TGM6: variants seen among roughly 807,000 people sequenced by gnomAD.
The protein encoded by TGM6 is transglutaminase 6.
TGM6 carries 74 observed loss-of-function variants against 77.5 expected under a neutral mutation model. The ratio of observed to expected loss-of-function variants is 0.96; its 90% CI spans 0.79 to 1.16. The LOEUF is 1.16. TGM6 is among the 50% of genes most tolerant of loss of function. The pLI, the probability that TGM6 is intolerant of heterozygous loss-of-function variation, is 0.00. For missense variants in TGM6, 968 were observed against 940.2 expected, an observed-to-expected ratio of 1.03 and a Z score of -0.39; for synonymous variants, 383 against 378.9, an observed-to-expected ratio of 1.01 and a Z score of -0.12.
chr20:2,399,561 G>A lies in TGM6; in HGVS notation c.673G>A (p.Val225Met), dbSNP rs1484724903. ...IYVTRVISAM[V>M]NSNNDRGVVQ... ...TGGACCCGTGCCCTCCTCTGCCCAG[G>A]TGAACAGCAACAACGACCGAGGTGT... is the stretch of plus-strand genomic sequence containing the variant. The change falls in exon 6 of 13, where the codon GTG becomes ATG. Residue 225 changes from valine (V) to methionine (M), a missense_variant and splice_region_variant. Val to Met is a conservative substitution (Grantham distance 21). Transcript: ENST00000202625. 1.2e-6 allele frequency: 2 copies of A among 1,612,612 alleles called. No homozygotes were observed. The highest frequency in any genetic ancestry group is 1.7e-6 in the Non-Finnish European group (2 of 1,179,906).
intron 9 of TGM6, among the ~76,000 whole-genome samples, chr20:2,405,388 T>C (rs181479626): frequency 2.6e-5 from 4 of 152,348 alleles, no homozygotes; most frequent in Non-Finnish European, 4.4e-5. Context: ...CCCTGACTAA[T>C]TGAATCATAG....
At chr20:2,421,982 AG>A (rs1238805468) in intron 10 of TGM6, among the ~76,000 whole-genome samples, 11 of 152,296 alleles carry the variant, frequency 7.2e-5, no homozygotes, top group African/African-American at 2.2e-4. Flanking sequence ...AAACACAAAA[AG>A]TAGCTGGGCG....
rs370501901 is a variant in TGM6, at chr20:2,381,054, C to A, written c.7+79C>A. 4 of 1,554,606 alleles carry A rather than the reference C, an allele frequency of 2.6e-6. No homozygotes were observed. The African/African-American group carries it at 5.4e-5, about 21-fold the overall frequency. On this transcript the variant is annotated intron_variant, in intron 1 of 12. Coordinates refer to ENST00000202625, the MANE Select transcript of TGM6 (RefSeq NM_198994.3). ...CAAGAAACACGGGTCTGTGGGATGA[C>A]GTTTGATCATCGATTGTTAGGATTT...
chr20:2,417,612 C>A (rs1041478832), intron 10 of TGM6, 39 bp downstream of exon 10: 148 of 1,563,898 alleles, frequency 9.5e-5, no homozygotes, highest in Non-Finnish European at 1.2e-4. Context: ...GGCCAAACCA[C>A]CTCCTTTTTC....
chr20:2,401,965 C>T (rs527681595), intron 7 of TGM6, among the ~76,000 whole-genome samples: 3 of 152,110 alleles, frequency 2.0e-5, no homozygotes, highest in East Asian at 1.9e-4. Flanking sequence ...TGGCTGGGCG[C>T]GGTGGCTCGC....
In TGM6 at chr20:2,403,764, C is replaced by A; in HGVS notation, c.1277C>A (p.Thr426Asn). 1.2e-6 allele frequency: 2 copies of A among 1,614,208 alleles called. No individual in the cohort carries two copies. The highest frequency in any genetic ancestry group is 1.7e-6 in the Non-Finnish European group (2 of 1,180,034). The change falls in exon 9 of 13, where the codon ACC (threonine) becomes AAC (asparagine). Residue 426 changes from threonine to asparagine, a missense_variant. Physicochemically the swap from Thr to Asn is moderately conservative, Grantham distance 65 (BLOSUM62 0). Transcript: ENST00000202625. ...AAGAAGATTGGGAGATGCATCAGCA[C>A]CAAGGCGGTGGGCAGTGACTCCCGC... ...NTKKIGRCIS[T>N]KAVGSDSRVD... is the part of the protein sequence containing the mutation.
chr20:2,393,434 G>A (rs1377425806), intron 1 of TGM6, among the ~76,000 whole-genome samples: 14 of 152,164 alleles, frequency 9.2e-5, no homozygotes, highest in African/African-American at 2.4e-4. Context: ...GCTGCGACAC[G>A]CCTTACACTA....
chr20:2,421,717 A>G lies in TGM6; in HGVS notation c.1678+4144A>G, dbSNP rs183503572. On this transcript the variant is annotated intron_variant, in intron 10 of 12. Coordinates refer to ENST00000202625, the MANE Select transcript of TGM6 (RefSeq NM_198994.3). ...ATGTCTTTTGCAAACATTTTCTCCC[A>G]GGCTGTGTCCTCTCTTCCCAGTCTC... Among the ~76,000 whole-genome samples the G allele has an allele frequency of 4.6e-5, 7 of 152,292 alleles. 1 individual carries two copies. The South Asian group carries it at 6.2e-4, about 14-fold the overall frequency.
At chr20:2,424,861 C>T (rs578071048) in intron 10 of TGM6, among the ~76,000 whole-genome samples, 1 of 152,054 alleles carries the variant, frequency 6.6e-6, no homozygotes, top group African/African-American at 2.4e-5. Context: ...TATTAATTGG[C>T]CTAATTTCAA....
chr20:2,397,503 A>G (rs918853445), intron 4 of TGM6, among the ~76,000 whole-genome samples: 15 of 152,216 alleles, frequency 9.9e-5, no homozygotes, highest in East Asian at 3.8e-4. Context: ...AGACCTTCCA[A>G]ATTATCAGAG....
chr20:2,423,020 T>G (rs1027518454), intron 10 of TGM6, among the ~76,000 whole-genome samples: 2 of 151,646 alleles, frequency 1.3e-5, no homozygotes, highest in Non-Finnish European at 2.9e-5. Flanking sequence ...TGGAAGGTCT[T>G]GCCTCAATGT....
intron 9 of TGM6, among the ~76,000 whole-genome samples, chr20:2,405,867 C>T (rs774658065): frequency 2.0e-5 from 3 of 152,156 alleles, no homozygotes; most frequent in Non-Finnish European, 4.4e-5. Context: ...CTGGCTGTCT[C>T]CCACCTGCTG....
At chr20:2,416,088 C>T (rs1370212042) in intron 9 of TGM6, among the ~76,000 whole-genome samples, 1 of 152,090 alleles carries the variant, frequency 6.6e-6, no homozygotes, top group African/African-American at 2.4e-5. Context: ...GGAAAGAATT[C>T]AAGGATGAGC....
intron 12 of TGM6, 129 bp downstream of exon 12, chr20:2,431,156 A>G: frequency 8.9e-7 from 1 of 1,118,782 alleles, no homozygotes; most frequent in Non-Finnish European, 1.3e-6. Flanking sequence ...CACAGACTAT[A>G]CATATCAGCC....
At chr20:2,409,174 A>G (rs2122389819) in intron 9 of TGM6, among the ~76,000 whole-genome samples, 1 of 152,342 alleles carries the variant, frequency 6.6e-6, no homozygotes, top group East Asian at 1.9e-4. Flanking sequence ...CAGTATCAGA[A>G]GAGAATTTGA....
intron 10 of TGM6, among the ~76,000 whole-genome samples, chr20:2,420,648 C>G (rs1599965704): frequency 6.6e-6 from 1 of 152,212 alleles, no homozygotes; most frequent in East Asian, 1.9e-4. Flanking sequence ...ATTCATCCCT[C>G]CTTCCCTTGC....
intron 10 of TGM6, among the ~76,000 whole-genome samples, chr20:2,427,609 A>G (rs2084896435): frequency 1.3e-5 from 2 of 152,048 alleles, no homozygotes; most frequent in South Asian, 2.1e-4. Flanking sequence ...TCTCCTTTTT[A>G]TAGTTTCCTA....
At chr20:2,393,937 C>T (rs1183252798) in intron 1 of TGM6, among the ~76,000 whole-genome samples, 1 of 152,134 alleles carries the variant, frequency 6.6e-6, no homozygotes, top group African/African-American at 2.4e-5. Context: ...TATTTATTTT[C>T]CCTAAGGGCA....
Position 2,417,574 on chromosome 20 carries a change from G to T in TGM6, c.1678+1G>T. The T allele has an allele frequency of 6.3e-7, 1 of 1,598,282 alleles. No homozygotes were observed. The highest frequency in any genetic ancestry group is 8.5e-7 in the Non-Finnish European group (1 of 1,178,830). The stretch of plus-strand genomic sequence containing the variant: ...GCCGTGAGGCTGGGGCCGCAAGAAG[G>T]TAAGTGTACGCTGGCTTGGTGGAAT... On this transcript the variant is annotated splice_donor_variant, in intron 10 of 12. Coordinates refer to ENST00000202625, the MANE Select transcript of TGM6 (RefSeq NM_198994.3). LOFTEE classifies it high-confidence loss of function.
Sources: allele counts gnomAD v4.1 joint callset (sites outside exome capture counted in the v4.1 genomes callset), GRCh38; gene constraint gnomAD v4.1.1; transcripts MANE v1.5; gene names NCBI Gene and HGNC (gene_info 2026-07-23, HGNC 2026-07-21).